Variants in MTAP observed in about 807,000 individuals in gnomAD.
MTAP encodes S-methyl-5'-thioadenosine phosphorylase.
MTAP carries 33 observed loss-of-function variants against 33.6 expected under a neutral mutation model. The observed-to-expected ratio is 0.98, with a 90% CI of 0.74 to 1.31. The LOEUF is 1.31. Ranked by LOEUF, MTAP falls within the 40% of genes most tolerant of loss-of-function variation. The pLI is 0.00. For synonymous variants in MTAP, 148 were observed against 125.7 expected (o/e 1.18, Z -1.19); for missense variants, 367 against 360.0 (o/e 1.02, Z -0.16).
intron 1 of MTAP, among the ~76,000 whole-genome samples, chr9:21,918,022 C>A (rs1818718289): frequency 1.3e-5 from 2 of 152,176 alleles, no homozygotes; most frequent in South Asian, 4.1e-4. Context: ...TTTTCACTTA[C>A]AAGTGGAACT....
intron 1 of MTAP, among the ~76,000 whole-genome samples, chr9:21,925,234 T>C (rs1368452520): frequency 6.6e-6 from 1 of 152,150 alleles, no homozygotes; most frequent in African/African-American, 2.4e-5. Context: ...ACCCCACCAC[T>C]TTCCTAGAGA....
At chr9:21,807,802 T>C (rs1824245777) in intron 1 of MTAP, among the ~76,000 whole-genome samples, 1 of 152,236 alleles carries the variant, frequency 6.6e-6, no homozygotes, top group South Asian at 2.1e-4. Context: ...CCAGGAGTGG[T>C]AGGGTATACA....
chr9:21,868,041 A>C (rs539865841), downstream of MTAP, among the ~76,000 whole-genome samples: 4 of 152,152 alleles, frequency 2.6e-5, no homozygotes, highest in Non-Finnish European at 5.9e-5. Context: ...TGATGTATAG[A>C]TAGGATGTTT....
In MTAP at chr9:21,863,729, T is replaced by C; in HGVS notation, c.*1715T>C. 1.0e-6 allele frequency: 1 copy of C among 985,882 alleles called. No individual in the cohort carries two copies. The highest frequency in any genetic ancestry group is 1.2e-6 in the Non-Finnish European group (1 of 829,912). The allele number at this position is 985,882 out of a possible 1,614,324, so 61.1% of individuals were successfully genotyped here. ...CTTTTCACTGTAGGCTATTACAGGATACTTCAGGATCAAGATACAGAACCT... is the reference window on the plus strand; with the variant it reads ...CTTTTCACTGTAGGCTATTACAGGACACTTCAGGATCAAGATACAGAACCT... On this transcript the variant is annotated 3_prime_UTR_variant, in exon 8 of 8. Transcript: ENST00000644715.
At chr9:21,939,672 T>C (rs545522506), downstream of MTAP, among the ~76,000 whole-genome samples, 387 of 151,418 alleles carry the variant, frequency 2.6e-3, 3 homozygotes, top group Middle Eastern at 0.014. Context: ...GAGACCAGCA[T>C]GGCCAACATG....
At position 21,897,470 on chromosome 9, in the gene MTAP, A is replaced by G. The variant is rs568734405; in HGVS notation, c.148-33538A>G. On this transcript the variant is annotated intron_variant, in intron 1 of 1. Coordinates refer to the MTAP transcript ENST00000577563. ...CTGTTTGCAGATGACATGATTGTATATTTAGAAAACCCCATTGTCTCAGCC... is the reference window on the plus strand; with the variant it reads ...CTGTTTGCAGATGACATGATTGTATGTTTAGAAAACCCCATTGTCTCAGCC... Among the ~76,000 whole-genome samples the G allele has an allele frequency of 2.0e-5, 3 of 152,340 alleles. No homozygotes were observed. The East Asian group carries it at 5.8e-4, about 29-fold the overall frequency.
intron 5 of MTAP, among the ~76,000 whole-genome samples, chr9:21,851,506 C>G (rs12554745): frequency 0.25 from 37,733 of 152,096 alleles, 5,136 homozygotes; most frequent in East Asian, 0.41. Context: ...TGGTGCATTT[C>G]CAGTTGCACA....
intron 1 of MTAP, among the ~76,000 whole-genome samples, chr9:21,916,113 AAGG>A (rs1406441888): frequency 6.7e-6 from 1 of 149,698 alleles, no homozygotes; most frequent in Non-Finnish European, 1.5e-5. Context: ...GGAAGGAAGG[AAGG>A]AAGGAGGGAG....
At chr9:21,936,713 A>G (rs1819045578) in exon 8 of MTAP, 1 of 152,150 alleles carries the variant, frequency 6.6e-6, no homozygotes, top group Non-Finnish European at 1.5e-5. Context: ...ACCGTTCACA[A>G]TTTCTTATTT....
chr9:21,928,447 A>G (rs1281205808), intron 1 of MTAP, among the ~76,000 whole-genome samples: 1 of 152,182 alleles, frequency 6.6e-6, no homozygotes, highest in African/African-American at 2.4e-5. Context: ...CCCACATGCC[A>G]CAGGTGTAAG....
At chr9:21,805,749 G>A (rs544696185) in intron 1 of MTAP, among the ~76,000 whole-genome samples, 14 of 152,312 alleles carry the variant, frequency 9.2e-5, no homozygotes, top group African/African-American at 3.4e-4. Context: ...GCCTTCCTCA[G>A]ACACTGAATC....
intron 4 of MTAP, among the ~76,000 whole-genome samples, chr9:21,829,355 G>A (rs904492351): frequency 5.9e-5 from 9 of 151,872 alleles, no homozygotes; most frequent in Admixed American, 4.6e-4. Flanking sequence ...CCCACTACAC[G>A]TTGGTTCTTT....
At chr9:21,937,342 A>C (rs1277350007) in exon 8 of MTAP, 1 of 152,206 alleles carries the variant, frequency 6.6e-6, no homozygotes. Flanking sequence ...CATCTCAAAA[A>C]AAAAAAGAGT....
intron 6 of MTAP, among the ~76,000 whole-genome samples, chr9:21,857,156 C>G (rs1041058445): frequency 6.6e-6 from 1 of 152,096 alleles, no homozygotes; most frequent in Non-Finnish European, 1.5e-5. Context: ...GTAGGAAGGA[C>G]ATTTTGGGTG....
chr9:21,843,835 G>A (rs1165769202), intron 5 of MTAP, among the ~76,000 whole-genome samples: 2 of 151,960 alleles, frequency 1.3e-5, no homozygotes, highest in Non-Finnish European at 2.9e-5. Flanking sequence ...CACACTTCAA[G>A]GAACTAGAAA....
chr9:21,833,056 CA>C (rs1472802121), intron 4 of MTAP, among the ~76,000 whole-genome samples: 1 of 152,168 alleles, frequency 6.6e-6, no homozygotes, highest in African/African-American at 2.4e-5. Flanking sequence ...GTTTATTGAG[CA>C]GCCTTCCTTG....
intron 1 of MTAP, among the ~76,000 whole-genome samples, chr9:21,927,798 C>T (rs1390145631): frequency 6.6e-6 from 1 of 152,136 alleles, no homozygotes; most frequent in Non-Finnish European, 1.5e-5. Flanking sequence ...TATACAGATT[C>T]CAAATATGCC....
chr9:21,897,308 T>C (rs1271862999), intron 1 of MTAP, among the ~76,000 whole-genome samples: 1 of 152,184 alleles, frequency 6.6e-6, no homozygotes, highest in Non-Finnish European at 1.5e-5. Context: ...GCATTCCCTT[T>C]GAAAACTGGC....
intron 1 of MTAP, among the ~76,000 whole-genome samples, chr9:21,885,784 GT>G: frequency 2.6e-5 from 1 of 38,950 alleles, no homozygotes; most frequent in Non-Finnish European, 5.7e-5. Context: ...TACATGGTGT[GT>G]GTGTGTGTGT....
Sources: gnomAD v4.1 joint callset for allele counts (sites outside exome capture counted in the v4.1 genomes callset) on GRCh38, gnomAD v4.1.1 for gene constraint, MANE v1.5 for transcripts, NCBI Gene and HGNC (gene_info 2026-07-23, HGNC 2026-07-21) for gene names.